MAP3K7CL: variants seen among roughly 807,000 people sequenced by gnomAD.
MAP3K7CL encodes the protein MAP3K7 C-terminal-like protein.
MAP3K7CL carries 16 observed loss-of-function variants against 18.6 expected under a neutral mutation model. The observed-to-expected ratio is 0.86, with a 90% CI of 0.58 to 1.31. The LOEUF (loss-of-function observed/expected upper bound fraction) is 1.31. Ranked by LOEUF, MAP3K7CL falls within the 50% of genes most tolerant of loss-of-function variation. MAP3K7CL has a pLI of 0.00. For synonymous variants in MAP3K7CL, 65 were observed against 66.8 expected (o/e 0.97, Z 0.13); for missense variants, 163 against 174.4 (o/e 0.93, Z 0.37).
intron 4 of MAP3K7CL, among the ~76,000 whole-genome samples, chr21:29,167,938 G>A (rs2471950): frequency 0.83 from 126,469 of 151,654 alleles, 52,979 homozygotes; most frequent in South Asian, 0.92. Context: ...TGACCTCGTG[G>A]TCCGCCCACC....
chr21:29,095,401 T>G (rs1035500814), intron 4 of MAP3K7CL, among the ~76,000 whole-genome samples: 1 of 152,158 alleles, frequency 6.6e-6, no homozygotes, highest in Admixed American at 6.6e-5. Flanking sequence ...GTTCTGCATG[T>G]CATCTGATCC....
exon 4 of MAP3K7CL, chr21:29,092,523 G>A (rs1226034578): frequency 6.2e-7 from 1 of 1,614,222 alleles, no homozygotes; most frequent in Non-Finnish European, 8.5e-7. Context: ...GCGATTGGAT[G>A]CTCACTCTGA....
chr21:29,146,825 A>G lies in MAP3K7CL; in HGVS notation c.71-2364A>G, dbSNP rs117948268. On this transcript the variant is annotated intron_variant, in intron 2 of 4. Transcript: ENST00000399928. ...ATACCAGAGACTATTAAGTGATATG[A>G]CCCTTGAGGGGTTTGGTCAAAGTGA... is the stretch of plus-strand genomic sequence containing the variant. Among the ~76,000 whole-genome samples, 130 of 152,340 alleles carry G rather than the reference A, an allele frequency of 8.5e-4. 4 individuals are homozygous for G. The East Asian group carries it at 0.022, about 26-fold the overall frequency.
intron 2 of MAP3K7CL, among the ~76,000 whole-genome samples, chr21:29,141,536 A>G (rs1462431905): frequency 2.6e-5 from 4 of 151,110 alleles, no homozygotes; most frequent in Non-Finnish European, 5.9e-5. Context: ...AAAAAAAGAG[A>G]GAAATTGTCC....
At chr21:29,113,127 T>C (rs1273606298) in intron 4 of MAP3K7CL, among the ~76,000 whole-genome samples, 1 of 152,190 alleles carries the variant, frequency 6.6e-6, no homozygotes, top group Non-Finnish European at 1.5e-5. Flanking sequence ...CTTTTCCTCT[T>C]CCTCTGTGCC....
chr21:29,092,502 G>A, exon 4 of MAP3K7CL: 1 of 1,614,232 alleles, frequency 6.2e-7, no homozygotes, highest in Non-Finnish European at 8.5e-7. Flanking sequence ...AGGTCAGCAA[G>A]TTGGCTACTG....
intron 2 of MAP3K7CL, among the ~76,000 whole-genome samples, chr21:29,143,216 C>T (rs571558668): frequency 6.6e-6 from 1 of 152,026 alleles, no homozygotes; most frequent in South Asian, 2.1e-4. Context: ...AGCGTGGGGC[C>T]CGTCTGGAGG....
chr21:29,096,934 A>G (rs938423722), intron 4 of MAP3K7CL, among the ~76,000 whole-genome samples: 3 of 152,340 alleles, frequency 2.0e-5, no homozygotes, highest in East Asian at 3.9e-4. Context: ...ACAGCAACCC[A>G]GTTTAGCAAC....
intron 1 of MAP3K7CL, among the ~76,000 whole-genome samples, chr21:29,086,581 A>C (rs1825961901): frequency 6.6e-6 from 1 of 152,214 alleles, no homozygotes; most frequent in African/African-American, 2.4e-5. Flanking sequence ...CGTGATGAGC[A>C]GTGCTGGCCT....
At chr21:29,162,657 T>C (rs534889775) in intron 4 of MAP3K7CL, among the ~76,000 whole-genome samples, 4 of 147,614 alleles carry the variant, frequency 2.7e-5, no homozygotes, top group Non-Finnish European at 5.9e-5. Flanking sequence ...CACTCCAGCC[T>C]GGGCAACAAG....
chr21:29,121,899 C>G (rs558204416), intron 4 of MAP3K7CL, among the ~76,000 whole-genome samples: 2 of 151,928 alleles, frequency 1.3e-5, no homozygotes, highest in Admixed American at 1.3e-4. Context: ...TGTGTTCTTG[C>G]TGCATGAAGA....
chr21:29,144,903 G>A (rs1011548992), intron 2 of MAP3K7CL, among the ~76,000 whole-genome samples: 3 of 152,234 alleles, frequency 2.0e-5, no homozygotes, highest in African/African-American at 7.2e-5. Flanking sequence ...ATCATCAAAT[G>A]TACTATGGTA....
In MAP3K7CL at chr21:29,115,063, G is replaced by A. The variant is rs150004043; in HGVS notation, c.370+22482G>A. On this transcript the variant is annotated intron_variant, in intron 4 of 6. Transcript: ENST00000286791. Reference sequence around the variant, plus strand: ...TTGCCCATTGGACAGCAGGGGGTTTGGGCTGTTTTCACGTCTATATAAGGC... The same window carrying A: ...TTGCCCATTGGACAGCAGGGGGTTTAGGCTGTTTTCACGTCTATATAAGGC... Among the ~76,000 whole-genome samples the A allele has an allele frequency of 3.3e-5, 5 of 152,298 alleles. No homozygotes were observed. In the East Asian group the frequency reaches 9.6e-4, roughly 29 times the overall value.
At chr21:29,100,450 C>G (rs1283482237) in intron 4 of MAP3K7CL, among the ~76,000 whole-genome samples, 1 of 152,142 alleles carries the variant, frequency 6.6e-6, no homozygotes, top group Non-Finnish European at 1.5e-5. Flanking sequence ...AGTCATACAG[C>G]TAGTTAGAGT....
chr21:29,100,582 T>C (rs2086209594), intron 4 of MAP3K7CL, among the ~76,000 whole-genome samples: 1 of 151,706 alleles, frequency 6.6e-6, no homozygotes, highest in Non-Finnish European at 1.5e-5. Context: ...AAGATGATAA[T>C]AGTTAGATCA....
At chr21:29,079,145 A>G (rs1254389945) in intron 1 of MAP3K7CL, among the ~76,000 whole-genome samples, 20 of 152,248 alleles carry the variant, frequency 1.3e-4, no homozygotes. Flanking sequence ...TCATCAGAAC[A>G]CTGGAGGTGA....
intron 4 of MAP3K7CL, among the ~76,000 whole-genome samples, chr21:29,096,227 A>G (rs2086119055): frequency 6.6e-6 from 1 of 152,188 alleles, no homozygotes; most frequent in East Asian, 1.9e-4. Flanking sequence ...AGAAAACACC[A>G]TTCGTTTACT....
intron 3 of MAP3K7CL, among the ~76,000 whole-genome samples, chr21:29,155,559 G>C (rs2087381840): frequency 6.6e-6 from 1 of 152,170 alleles, no homozygotes; most frequent in Non-Finnish European, 1.5e-5. Context: ...GCAGAGAGCA[G>C]AACAGCACCA....
At chr21:29,141,211 C>T (rs547697878) in intron 2 of MAP3K7CL, among the ~76,000 whole-genome samples, 1 of 152,200 alleles carries the variant, frequency 6.6e-6, no homozygotes, top group East Asian at 1.9e-4. Flanking sequence ...TAGGTGTTTC[C>T]AAGAAACATA....
Sources: gnomAD v4.1 joint callset for allele counts (sites outside exome capture counted in the v4.1 genomes callset) on GRCh38, gnomAD v4.1.1 for gene constraint, MANE v1.5 for transcripts, NCBI Gene and HGNC (gene_info 2026-07-23, HGNC 2026-07-21) for gene names.